Variants in ZC3H7A observed in about 807,000 individuals in gnomAD.
ZC3H7A encodes zinc finger CCCH domain-containing protein 7A.
ZC3H7A carries 44 observed loss-of-function variants against 125.5 expected under a neutral mutation model. That is an observed-to-expected ratio of 0.35 (90% CI 0.28 to 0.45). The LOEUF (loss-of-function observed/expected upper bound fraction) is 0.45, where lower values mean the gene tolerates loss of function less well. ZC3H7A is among the 20% of genes least tolerant of loss of function. The probability of loss-of-function intolerance (pLI) is 1.00; values close to 1 mark genes in which losing one functional copy is unlikely to be tolerated. For synonymous variants in ZC3H7A, 399 were observed against 391.2 expected (o/e 1.02, Z -0.23); for missense variants, 977 against 1,170.7 (o/e 0.83, Z 2.41).
intron 1 of ZC3H7A, among the ~76,000 whole-genome samples, chr16:11,794,119 T>G (rs2053396015): frequency 3.3e-5 from 5 of 152,160 alleles, no homozygotes; most frequent in Admixed American, 3.3e-4. Context: ...ATATTTCATG[T>G]AAAAGCTTCA....
At chr16:11,775,145 G>A in intron 7 of ZC3H7A, 132 bp from the exon 8 acceptor site, 4 of 858,942 alleles carry the variant, frequency 4.7e-6, no homozygotes, top group South Asian at 1.5e-5. Context: ...GGCCGAGACA[G>A]GCAGATCACG....
At chr16:11,771,103 C>T in intron 9 of ZC3H7A, 116 bp from the exon 10 acceptor site, 1 of 1,073,136 alleles carries the variant, frequency 9.3e-7, no homozygotes, top group Non-Finnish European at 1.3e-6. Flanking sequence ...CGTTACATAA[C>T]AAAGTTTAGG....
chr16:11,759,445 T>G (rs2052705232), intron 19 of ZC3H7A: 1 of 152,206 alleles, frequency 6.6e-6, no homozygotes, highest in Admixed American at 6.5e-5. Flanking sequence ...GTACATTTCC[T>G]CCCTTGGACC....
chr16:11,779,289 G>A lies in ZC3H7A; in HGVS notation c.183C>T (p.Asn61=), dbSNP rs142571088. ...NDVYREHDWN[N]SISQYTEALN... ...AGGCTTCCGTGTACTGGCTTATCGA[G>A]TTGTTCCAATCATGTTCCCGATAAA... Residue 61 remains asparagine (N), a synonymous_variant, in exon 4 of 23, where the codon AAC becomes AAT. Coordinates refer to ENST00000355758, the MANE Select transcript of ZC3H7A (RefSeq NM_014153.4). 2.5e-6 allele frequency: 4 copies of A among 1,613,996 alleles called. No homozygotes were observed. The highest frequency in any genetic ancestry group is 3.4e-6 in the Non-Finnish European group (4 of 1,179,990).
chr16:11,794,475 T>C (rs1017119176), intron 1 of ZC3H7A, among the ~76,000 whole-genome samples: 1 of 152,202 alleles, frequency 6.6e-6, no homozygotes, highest in Non-Finnish European at 1.5e-5. Flanking sequence ...AAATTTCTTC[T>C]TGATTTGCCA....
At chr16:11,795,442 A>G (rs2053421698) in intron 1 of ZC3H7A, among the ~76,000 whole-genome samples, 1 of 152,232 alleles carries the variant, frequency 6.6e-6, no homozygotes, top group Non-Finnish European at 1.5e-5. Context: ...GTATGTATGT[A>G]CGCATGTATG....
chr16:11,778,297 C>T (rs1398803921), intron 4 of ZC3H7A, among the ~76,000 whole-genome samples: 2 of 151,822 alleles, frequency 1.3e-5, no homozygotes, highest in Admixed American at 6.6e-5. Context: ...ATTTGCTGGG[C>T]ACGGCGGCAT....
At chr16:11,784,389 T>C (rs1414263696) in intron 1 of ZC3H7A, among the ~76,000 whole-genome samples, 1 of 151,988 alleles carries the variant, frequency 6.6e-6, no homozygotes, top group East Asian at 1.9e-4. Context: ...ACAAAATAAT[T>C]TAAGGAAGCA....
intron 21 of ZC3H7A, among the ~76,000 whole-genome samples, chr16:11,754,471 G>A (rs2052605125): frequency 1.3e-5 from 2 of 151,722 alleles, no homozygotes; most frequent in South Asian, 2.1e-4. Context: ...GCCTGCAATG[G>A]GCAATGAAAC....
chr16:11,788,764 C>A (rs1434424619), intron 1 of ZC3H7A, among the ~76,000 whole-genome samples: 1 of 152,050 alleles, frequency 6.6e-6, no homozygotes, highest in Non-Finnish European at 1.5e-5. Context: ...CAGGTACGCA[C>A]CAGCACACCC....
Position 11,765,261 on chromosome 16 carries a change from G to C in ZC3H7A, c.1720-108C>G. The C allele has an allele frequency of 1.3e-6, 1 of 769,100 alleles. No homozygotes were observed. The highest frequency in any genetic ancestry group is 1.9e-6 in the Non-Finnish European group (1 of 518,420). 47.6% of individuals were successfully genotyped at this position (769,100 alleles called of 1,614,324 possible). ...TTACAAAATTAATATTCAATATGAA[G>C]TTTTAATATTCTTTTTGGTAACAGT... On this transcript the variant is annotated intron_variant, in intron 14 of 22. Transcript: ENST00000355758. The surrounding 1 kb of genome is among the most constrained non-coding windows in gnomAD (Gnocchi z 4.8).
intron 1 of ZC3H7A, chr16:11,796,377 C>T (rs1247526061): frequency 2.0e-5 from 3 of 152,236 alleles, no homozygotes; most frequent in African/African-American, 4.8e-5. Flanking sequence ...CAAGGTCCTT[C>T]GTGGTTCAAT....
intron 1 of ZC3H7A, among the ~76,000 whole-genome samples, chr16:11,792,183 C>G (rs1034951518): frequency 2.6e-5 from 4 of 152,228 alleles, no homozygotes; most frequent in Non-Finnish European, 5.9e-5. Context: ...ATTGGGATTA[C>G]AGGCGTGACC....
rs2053101491 is a variant in ZC3H7A, at chr16:11,777,525, A to C, written c.307-616T>G. ...CACCTGAGGTCAGGAGTTCGAGACC[A>C]GCCTGGCCAACATGGTAAAAACCCC... On this transcript the variant is annotated intron_variant, in intron 4 of 22. Coordinates refer to ENST00000355758, the MANE Select transcript of ZC3H7A (RefSeq NM_014153.4). 2.0e-5 allele frequency among the ~76,000 whole-genome samples: 3 copies of C among 152,164 alleles called. No homozygotes were observed. The South Asian group carries it at 6.2e-4, about 32-fold the overall frequency.
intron 1 of ZC3H7A, among the ~76,000 whole-genome samples, chr16:11,783,429 T>G (rs1042337484): frequency 6.6e-6 from 1 of 152,152 alleles, no homozygotes; most frequent in South Asian, 2.1e-4. Context: ...CATCTCCCAG[T>G]GGCCCAAACT....
chr16:11,768,656 G>T, intron 11 of ZC3H7A, 155 bp from the exon 12 acceptor site: 1 of 714,528 alleles, frequency 1.4e-6, no homozygotes, highest in Non-Finnish European at 2.0e-6. Context: ...CTTAAAAACT[G>T]TCTCTTTCTA....
Position 11,767,427 on chromosome 16 carries a change from A to G in ZC3H7A, c.1512T>C (p.Tyr504=). Residue 504 remains tyrosine, a synonymous_variant, in exon 13 of 23, where the codon TAT becomes TAC. Coordinates refer to ENST00000355758, the MANE Select transcript of ZC3H7A (RefSeq NM_014153.4). ...AATTACAGTACATACCTTTACATAT[A>G]TAATATGGTCCTTCATAATTTGTTT... is the stretch of plus-strand genomic sequence containing the variant. ...PTKTNYEGPY[Y]ICKDVAAEEE... is the part of the protein sequence containing the mutation. 6.3e-7 allele frequency: 1 copy of G among 1,583,646 alleles called. No individual in the cohort carries two copies. Among genetic ancestry groups the G allele is most frequent in the Non-Finnish European group, 8.6e-7 (1 of 1,156,278 alleles).
intron 15 of ZC3H7A, among the ~76,000 whole-genome samples, chr16:11,763,872 C>T (rs1402750989): frequency 6.8e-6 from 1 of 147,734 alleles, no homozygotes; most frequent in East Asian, 2.0e-4. Context: ...GGCGCGATCT[C>T]GGCTCACTGC....
chr16:11,765,385 ATATT>A lies in ZC3H7A; in HGVS notation c.1719+100_1719+103del, dbSNP rs879377589. 7.4e-5 allele frequency: 56 copies of A among 755,434 alleles called. No individual in the cohort carries two copies. The highest frequency in any genetic ancestry group is 1.1e-4 in the Non-Finnish European group (54 of 495,804). The allele number at this position is 755,434 out of a possible 1,614,324, so 46.8% of individuals were successfully genotyped here. A position where few individuals can be genotyped will look rare whatever the true frequency, so the allele number is the denominator to read the frequency against. Reference sequence around the variant, plus strand: ...TATTATTTATCATATAAATAAATGAATATTTATTCATTTACCAAGTGAATGTTTT... The same window carrying A: ...TATTATTTATCATATAAATAAATGAATATTCATTTACCAAGTGAATGTTTT... On this transcript the variant is annotated intron_variant, in intron 14 of 22. Coordinates refer to ENST00000355758, the MANE Select transcript of ZC3H7A (RefSeq NM_014153.4). This position sits in a 1 kb window ranked among gnomAD's most constrained non-coding sequence, Gnocchi z 4.8.
Sources: allele counts gnomAD v4.1 joint callset (sites outside exome capture counted in the v4.1 genomes callset), GRCh38; gene constraint gnomAD v4.1.1; non-coding constraint Gnocchi (gnomAD v3.1); transcripts MANE v1.5; gene names NCBI Gene and HGNC (gene_info 2026-07-23, HGNC 2026-07-21).